EML6: variants seen among roughly 807,000 people sequenced by gnomAD.
EML6 encodes the protein echinoderm microtubule-associated protein-like 6.
A neutral mutation model predicts 240.1 loss-of-function variants in EML6; 154 were observed. The ratio of observed to expected loss-of-function variants is 0.64; its 90% CI spans 0.56 to 0.73. EML6 has a LOEUF of 0.73. Ranked by LOEUF, EML6 falls within the 30% of genes least tolerant of loss-of-function variation. The pLI is 0.00. For missense variants in EML6, 2,964 were observed against 2,474.6 expected (o/e 1.20, Z -4.20); for synonymous variants, 1,148 against 899.0 (o/e 1.28, Z -4.95).
chr2:54,882,529 T>C (rs1482361794), intron 17 of EML6: 3 of 152,050 alleles, frequency 2.0e-5, no homozygotes, highest in African/African-American at 7.2e-5. Context: ...ACAAGAACAC[T>C]TCCCAGGCTA....
At chr2:54,728,615 A>G (rs1246478558) in intron 2 of EML6, among the ~76,000 whole-genome samples, 1 of 152,208 alleles carries the variant, frequency 6.6e-6, no homozygotes, top group Admixed American at 6.5e-5. Context: ...GGGAATGACA[A>G]TACCTAAACT....
At chr2:54,905,543 A>G (rs114651512) in intron 24 of EML6, among the ~76,000 whole-genome samples, 312 of 152,332 alleles carry the variant, frequency 2.0e-3, no homozygotes, top group African/African-American at 7.0e-3. Context: ...TGAAGTACAC[A>G]TAACAAAAAT....
intron 24 of EML6, among the ~76,000 whole-genome samples, chr2:54,904,353 C>T (rs780792120): frequency 5.9e-5 from 9 of 152,072 alleles, no homozygotes; most frequent in Admixed American, 2.0e-4. Context: ...GAGTCTGGAG[C>T]GGGTACTTGG....
At chr2:54,910,550 T>C (rs1451301885) in intron 24 of EML6, among the ~76,000 whole-genome samples, 1 of 152,252 alleles carries the variant, frequency 6.6e-6, no homozygotes, top group Non-Finnish European at 1.5e-5. Flanking sequence ...AGTAAGTGTT[T>C]TATTTCTAAT....
intron 7 of EML6, among the ~76,000 whole-genome samples, chr2:54,835,920 C>G (rs1268397448): frequency 1.3e-5 from 2 of 152,184 alleles, no homozygotes; most frequent in Non-Finnish European, 2.9e-5. Flanking sequence ...GACCAACTCT[C>G]AAACCTGAGA....
rs75060185 is a variant in EML6, at chr2:54,734,891, G to C, written c.197+9633G>C. ...TAAGGCTCCTTATTGCCTGCATGATGAGAGTCAAACTCCCACAAGATGTTC... is the reference window on the plus strand; with the variant it reads ...TAAGGCTCCTTATTGCCTGCATGATCAGAGTCAAACTCCCACAAGATGTTC... On this transcript the variant is annotated intron_variant, in intron 2 of 41. Transcript: ENST00000356458. 8.2e-3 allele frequency among the ~76,000 whole-genome samples: 1,252 copies of C among 152,280 alleles called. 11 individuals are homozygous for C. The highest frequency in any genetic ancestry group is 0.012 in the East Asian group (60 of 5,190).
chr2:54,943,316 C>A (rs1309014653), intron 28 of EML6, among the ~76,000 whole-genome samples: 2 of 152,096 alleles, frequency 1.3e-5, no homozygotes, highest in East Asian at 3.9e-4. Context: ...GGTGCTTGGC[C>A]CCGGCCTCCT....
intron 3 of EML6, among the ~76,000 whole-genome samples, chr2:54,814,056 A>T (rs910344952): frequency 3.9e-5 from 6 of 152,254 alleles, no homozygotes; most frequent in African/African-American, 7.2e-5. Flanking sequence ...CATCAACTGA[A>T]AACGGTGTGA....
intron 26 of EML6, among the ~76,000 whole-genome samples, chr2:54,920,083 G>T (rs758591177): frequency 6.6e-6 from 1 of 151,984 alleles, no homozygotes; most frequent in Non-Finnish European, 1.5e-5. Context: ...GAAAAATAAA[G>T]ATCTCAAATA....
chr2:54,811,153 G>C (rs774227855), intron 2 of EML6, among the ~76,000 whole-genome samples: 5 of 151,870 alleles, frequency 3.3e-5, no homozygotes, highest in Admixed American at 6.6e-5. Flanking sequence ...TGACCACCTT[G>C]CCTCTCCTAA....
chr2:54,756,729 A>T (rs574836272), intron 2 of EML6, among the ~76,000 whole-genome samples: 1 of 151,548 alleles, frequency 6.6e-6, no homozygotes, highest in Non-Finnish European at 1.5e-5. Context: ...TTTCTCTGAT[A>T]CTCTGGGTCA....
At chr2:54,911,831 C>G (rs749804936) in intron 25 of EML6, among the ~76,000 whole-genome samples, 7 of 152,186 alleles carry the variant, frequency 4.6e-5, no homozygotes, top group Non-Finnish European at 8.8e-5. Context: ...ATGTCCTTAG[C>G]TACATACACG....
At chr2:54,888,460 T>C (rs148519475) in intron 17 of EML6, among the ~76,000 whole-genome samples, 255 of 152,320 alleles carry the variant, frequency 1.7e-3, no homozygotes, top group African/African-American at 5.8e-3. Flanking sequence ...CAACAGTATA[T>C]TCAGGAGAGT....
At chr2:54,853,901 C>T (rs746532959) in intron 11 of EML6, 46 bp downstream of exon 11, 17 of 1,290,944 alleles carry the variant, frequency 1.3e-5, no homozygotes, top group South Asian at 1.3e-5. Context: ...TTACTCTAAA[C>T]TGTATACAGT....
At chr2:54,930,646 A>G (rs7606659) in intron 28 of EML6, among the ~76,000 whole-genome samples, 50,173 of 151,954 alleles carry the variant, frequency 0.33, 8,630 homozygotes, top group Non-Finnish European at 0.36. Context: ...TAAGATAAGT[A>G]TAGGGTCTGG....
chr2:54,857,841 G>C (rs1670468981), intron 11 of EML6, among the ~76,000 whole-genome samples: 2 of 152,242 alleles, frequency 1.3e-5, no homozygotes, highest in Admixed American at 6.5e-5. Context: ...ACCCAGAGCA[G>C]AGTGAGTGAG....
At chr2:54,737,108 C>G (rs1186419451) in intron 2 of EML6, among the ~76,000 whole-genome samples, 3 of 152,070 alleles carry the variant, frequency 2.0e-5, no homozygotes, top group Non-Finnish European at 4.4e-5. Context: ...TATGAGGTAA[C>G]AGCTTTGTGT....
chr2:54,926,636 C>T (rs550567236), intron 26 of EML6, among the ~76,000 whole-genome samples: 1 of 152,228 alleles, frequency 6.6e-6, no homozygotes, highest in Non-Finnish European at 1.5e-5. Context: ...GCTGGTTTCG[C>T]AGAACCTTCT....
intron 26 of EML6, among the ~76,000 whole-genome samples, chr2:54,917,243 C>T (rs774833786): frequency 6.6e-6 from 1 of 152,078 alleles, no homozygotes; most frequent in African/African-American, 2.4e-5. Context: ...TAGGATACTT[C>T]CACAGATGAG....
Sources: allele counts gnomAD v4.1 joint callset (sites outside exome capture counted in the v4.1 genomes callset), GRCh38; gene constraint gnomAD v4.1.1; transcripts MANE v1.5; gene names NCBI Gene and HGNC (gene_info 2026-07-23, HGNC 2026-07-21).